The following AGBL1 variants were observed in gnomAD, a reference collection of about 807,000 sequenced individuals.
AGBL1 encodes the protein cytosolic carboxypeptidase 4.
In AGBL1, 130 loss-of-function variants were observed where a neutral mutation model predicts 118.9. That is an observed-to-expected ratio of 1.09 (90% CI 0.95 to 1.26). The LOEUF (loss-of-function observed/expected upper bound fraction) is 1.26, where lower values mean the gene tolerates loss of function less well. Ranked by LOEUF, AGBL1 falls within the 50% of genes most tolerant of loss-of-function variation. The pLI is 0.00. For missense variants in AGBL1, 1,584 were observed against 1,298.1 expected (o/e 1.22, Z -3.38); for synonymous variants, 555 against 478.9 (o/e 1.16, Z -2.08).
intron 23 of AGBL1, among the ~76,000 whole-genome samples, chr15:86,960,346 A>T (rs1567260298): frequency 6.6e-6 from 1 of 152,066 alleles, no homozygotes; most frequent in East Asian, 1.9e-4. Context: ...ACTACAGGTA[A>T]TTCCATATTA....
intron 18 of AGBL1, among the ~76,000 whole-genome samples, chr15:86,452,425 A>G (rs1431442426): frequency 1.3e-5 from 2 of 152,240 alleles, no homozygotes; most frequent in South Asian, 2.1e-4. Context: ...ATATTCCCTT[A>G]TGACACTGTA....
At chr15:86,848,422 T>A (rs1318883835) in intron 22 of AGBL1, among the ~76,000 whole-genome samples, 3 of 152,220 alleles carry the variant, frequency 2.0e-5, no homozygotes, top group East Asian at 1.9e-4. Context: ...TTAATGAGAA[T>A]GTAACTATCA....
chr15:86,569,003 A>G (rs1436951305), intron 21 of AGBL1, among the ~76,000 whole-genome samples: 1 of 151,910 alleles, frequency 6.6e-6, no homozygotes, highest in Non-Finnish European at 1.5e-5. Flanking sequence ...TTAATGTTAC[A>G]TAAACTGTTT....
At chr15:86,831,899 G>A (rs2079109782) in intron 22 of AGBL1, among the ~76,000 whole-genome samples, 1 of 152,162 alleles carries the variant, frequency 6.6e-6, no homozygotes, top group South Asian at 2.1e-4. Context: ...CACCCCTGTA[G>A]CACCCCTCTG....
At chr15:86,439,581 C>T (rs181668785) in intron 18 of AGBL1, among the ~76,000 whole-genome samples, 6 of 152,240 alleles carry the variant, frequency 3.9e-5, no homozygotes, top group Non-Finnish European at 7.4e-5. Context: ...AAATACATTT[C>T]GGTTTAGCAG....
At chr15:86,160,253 T>TA (rs1290342631) in intron 5 of AGBL1, among the ~76,000 whole-genome samples, 1 of 151,986 alleles carries the variant, frequency 6.6e-6, no homozygotes, top group Non-Finnish European at 1.5e-5. Flanking sequence ...ATCTAGTAGG[T>TA]AAAAAACTTC....
chr15:86,166,337 A>G (rs1443917717), intron 5 of AGBL1, among the ~76,000 whole-genome samples: 2 of 152,210 alleles, frequency 1.3e-5, no homozygotes, highest in East Asian at 1.9e-4. Flanking sequence ...AAGGCCTTGC[A>G]TTCTGATCCA....
intron 21 of AGBL1, among the ~76,000 whole-genome samples, chr15:86,627,666 G>A (rs1035865953): frequency 1.3e-5 from 2 of 152,202 alleles, no homozygotes; most frequent in South Asian, 4.1e-4. Context: ...AAGAATTTAT[G>A]TAATGCAGTG....
At chr15:86,743,412 C>A (rs1218942291) in intron 22 of AGBL1, among the ~76,000 whole-genome samples, 1 of 152,080 alleles carries the variant, frequency 6.6e-6, no homozygotes, top group Non-Finnish European at 1.5e-5. Context: ...TATTTTCATC[C>A]TTACAGCTTC....
chr15:86,910,411 C>A lies in AGBL1; in HGVS notation c.*3117C>A, dbSNP rs1192417097. 6.6e-6 allele frequency: 1 copy of A among 152,102 alleles called. No homozygotes were observed. The highest frequency in any genetic ancestry group is 1.5e-5 in the Non-Finnish European group (1 of 68,018). 9.4% of individuals were successfully genotyped at this position (152,102 alleles called of 1,614,324 possible). ...TCAGATAAAGCTGCATTTGGCATTC[C>A]TTGATGAAAAGGCTGAATTTAATTC... is the stretch of plus-strand genomic sequence containing the variant. On this transcript the variant is annotated 3_prime_UTR_variant, in exon 23 of 23. Transcript: ENST00000614907.
intron 22 of AGBL1, among the ~76,000 whole-genome samples, chr15:86,812,890 C>A (rs1398799614): frequency 6.6e-6 from 1 of 151,896 alleles, no homozygotes; most frequent in African/African-American, 2.4e-5. Flanking sequence ...ATAATATTTG[C>A]AGTTATATAT....
intron 16 of AGBL1, among the ~76,000 whole-genome samples, chr15:86,291,841 C>T (rs2079550041): frequency 1.3e-5 from 2 of 152,180 alleles, no homozygotes; most frequent in African/African-American, 4.8e-5. Flanking sequence ...GCAGGTGCAT[C>T]TCATCAATAC....
rs1433454 is a variant in AGBL1 at position 86,935,472 on chromosome 15, T to G, written c.3222-52515T>G. 4.1e-3 allele frequency among the ~76,000 whole-genome samples: 622 copies of G among 152,284 alleles called. 3 individuals are homozygous for G. The highest frequency in any genetic ancestry group is 0.014 in the Middle Eastern group (4 of 294). ...GGCAAGCCAGCTAATGAGTGACATTTCCCCATGCCACCATAGTGGTCACAG... is the reference window on the plus strand; with the variant it reads ...GGCAAGCCAGCTAATGAGTGACATTGCCCCATGCCACCATAGTGGTCACAG... On this transcript the variant is annotated intron_variant, in intron 23 of 24. Transcript: ENST00000441037.
chr15:86,807,568 A>G (rs1046425263), intron 22 of AGBL1, among the ~76,000 whole-genome samples: 3 of 152,084 alleles, frequency 2.0e-5, no homozygotes, highest in Admixed American at 6.6e-5. Flanking sequence ...TAGAGAGGCC[A>G]TGCAGCCTAT....
intron 23 of AGBL1, among the ~76,000 whole-genome samples, chr15:86,983,240 C>A (rs2081249016): frequency 6.6e-6 from 1 of 151,988 alleles, no homozygotes; most frequent in Admixed American, 6.6e-5. Context: ...TGGTGTTTAT[C>A]TTTTCTTATT....
chr15:86,598,348 A>G (rs980018423), intron 21 of AGBL1, among the ~76,000 whole-genome samples: 4 of 152,188 alleles, frequency 2.6e-5, no homozygotes, highest in African/African-American at 9.6e-5. Flanking sequence ...TGGACCCAAG[A>G]ACGCCAATTG....
At chr15:86,923,045 G>A (rs1009374170) in intron 23 of AGBL1, among the ~76,000 whole-genome samples, 3 of 152,170 alleles carry the variant, frequency 2.0e-5, no homozygotes, top group African/African-American at 7.2e-5. Flanking sequence ...GCAAGAAGGA[G>A]TCCAGGTATC....
chr15:86,274,231 A>G (rs1413088580), intron 15 of AGBL1, among the ~76,000 whole-genome samples: 1 of 152,048 alleles, frequency 6.6e-6, no homozygotes, highest in Non-Finnish European at 1.5e-5. Context: ...TTTGTTGTGG[A>G]GTTTACCATT....
Position 86,573,324 on chromosome 15 carries a change from A to T in AGBL1, c.2994+18787A>T, listed in dbSNP as rs567476525. Among the ~76,000 whole-genome samples the T allele has an allele frequency of 2.2e-3, 335 of 152,344 alleles. 1 individual carries two copies. Among genetic ancestry groups the T allele is most frequent in the African/African-American group, 7.8e-3 (324 of 41,590 alleles). On this transcript the variant is annotated intron_variant, in intron 21 of 22. Transcript: ENST00000614907. Reference sequence around the variant, plus strand: ...ACAGGGAGTAGAACTGACAACTTCCATGTCTTCTACAGTTTATAGTCCAGC... The same window carrying T: ...ACAGGGAGTAGAACTGACAACTTCCTTGTCTTCTACAGTTTATAGTCCAGC...
Sources: gnomAD v4.1 joint callset for allele counts (sites outside exome capture counted in the v4.1 genomes callset) on GRCh38, gnomAD v4.1.1 for gene constraint, MANE v1.5 for transcripts, NCBI Gene and HGNC (gene_info 2026-07-23, HGNC 2026-07-21) for gene names.